Variants in AXDND1 observed in about 807,000 individuals in gnomAD.
AXDND1 encodes the protein axonemal dynein light chain domain-containing protein 1.
A neutral mutation model predicts 137.5 loss-of-function variants in AXDND1; 110 were observed. That is an observed-to-expected ratio of 0.80 (90% CI 0.69 to 0.94). AXDND1 has a LOEUF of 0.94. AXDND1 is among the 40% of genes least tolerant of loss of function. The pLI is 0.00. For synonymous variants in AXDND1, 414 were observed against 399.7 expected (o/e 1.04, Z -0.43); for missense variants, 1,191 against 1,169.8 (o/e 1.02, Z -0.26).
intron 20 of AXDND1, among the ~76,000 whole-genome samples, chr1:179,497,409 C>T (rs925644097): frequency 1.3e-5 from 2 of 152,030 alleles, no homozygotes; most frequent in Admixed American, 6.6e-5. Context: ...ACTCTCTTAA[C>T]ACTGCATCTC....
intron 20 of AXDND1, among the ~76,000 whole-genome samples, chr1:179,497,549 C>T (rs565336249): frequency 1.6e-4 from 24 of 152,240 alleles, no homozygotes; most frequent in African/African-American, 5.1e-4. Context: ...TAGCCAACAT[C>T]GTACTGAATT....
At chr1:179,427,288 A>T (rs1656721057) in intron 12 of AXDND1, among the ~76,000 whole-genome samples, 1 of 152,200 alleles carries the variant, frequency 6.6e-6, no homozygotes, top group South Asian at 2.1e-4. Flanking sequence ...TGGTTAGTTG[A>T]ATGTTAGGGT....
Position 179,378,643 on chromosome 1 carries a change from T to G in AXDND1, c.381T>G (p.Ile127Met). 1 of 1,575,638 alleles carries G rather than the reference T, an allele frequency of 6.3e-7. No homozygotes were observed. Among genetic ancestry groups the G allele is most frequent in the Non-Finnish European group, 8.6e-7 (1 of 1,159,916 alleles). ...PVSLTGAGRD[I>M]SFLYDVTYAK... Reference sequence around the variant, plus strand: ...TATTTTTCTTACTTTTTAGGGATATTTCTTTTCTGTACGATGTAACATATG... The same window carrying G: ...TATTTTTCTTACTTTTTAGGGATATGTCTTTTCTGTACGATGTAACATATG... Residue 127 changes from isoleucine to methionine, a missense_variant, in exon 5 of 26, where the codon ATT becomes ATG. Coordinates refer to ENST00000367618, the MANE Select transcript of AXDND1 (RefSeq NM_144696.6).
intron 21 of AXDND1, among the ~76,000 whole-genome samples, chr1:179,519,071 A>G (rs1669814133): frequency 6.6e-6 from 1 of 152,080 alleles, no homozygotes; most frequent in Admixed American, 6.5e-5. Flanking sequence ...TGACTTTATA[A>G]TAGTTGCCAT....
intron 20 of AXDND1, among the ~76,000 whole-genome samples, chr1:179,499,466 G>A (rs1236331510): frequency 6.6e-6 from 1 of 152,124 alleles, no homozygotes; most frequent in Non-Finnish European, 1.5e-5. Flanking sequence ...GTGGCTGCCT[G>A]GAGCTTGTAA....
chr1:179,461,704 G>A (rs1447664138), intron 16 of AXDND1, among the ~76,000 whole-genome samples: 1 of 152,176 alleles, frequency 6.6e-6, no homozygotes, highest in Non-Finnish European at 1.5e-5. Flanking sequence ...TCTGCCGTTT[G>A]TCTGTGTCCT....
At chr1:179,431,761 T>C (rs1657422808) in intron 14 of AXDND1, among the ~76,000 whole-genome samples, 1 of 152,120 alleles carries the variant, frequency 6.6e-6, no homozygotes, top group Non-Finnish European at 1.5e-5. Flanking sequence ...TGTTGATTCT[T>C]AGCTGGGAGG....
At chr1:179,391,025 C>T (rs1016357100) in intron 9 of AXDND1, among the ~76,000 whole-genome samples, 2 of 151,470 alleles carry the variant, frequency 1.3e-5, no homozygotes, top group Non-Finnish European at 2.9e-5. Flanking sequence ...AGGCTGGTCT[C>T]AAACTCCCGA....
At chr1:179,457,148 G>T in intron 16 of AXDND1, 2 of 865,332 alleles carry the variant, frequency 2.3e-6, no homozygotes, top group Admixed American at 1.7e-5. Context: ...CTCCGCAGTG[G>T]CATGTGAGAC....
chr1:179,376,358 T>C (rs1647269628), intron 4 of AXDND1, among the ~76,000 whole-genome samples: 1 of 152,176 alleles, frequency 6.6e-6, no homozygotes, highest in African/African-American at 2.4e-5. Context: ...ATATGGAAAG[T>C]TGGCCCTCTG....
intron 22 of AXDND1, among the ~76,000 whole-genome samples, chr1:179,526,586 A>G (rs1207429824): frequency 6.6e-6 from 1 of 152,192 alleles, no homozygotes. Context: ...CTTCTTTGAT[A>G]TATTTCTTCT....
intron 10 of AXDND1, among the ~76,000 whole-genome samples, chr1:179,394,498 G>A (rs1439727849): frequency 2.0e-5 from 3 of 151,970 alleles, no homozygotes; most frequent in African/African-American, 7.3e-5. Context: ...GTTGAGGCAG[G>A]AGAATCACTT....
intron 17 of AXDND1, among the ~76,000 whole-genome samples, chr1:179,471,099 A>G (rs535482355): frequency 6.6e-6 from 1 of 152,290 alleles, no homozygotes; most frequent in Admixed American, 6.5e-5. Flanking sequence ...TAAATCCCAC[A>G]TGGTAATTGT....
intron 12 of AXDND1, among the ~76,000 whole-genome samples, chr1:179,413,270 G>A (rs1307356092): frequency 6.6e-6 from 1 of 151,712 alleles, no homozygotes; most frequent in Non-Finnish European, 1.5e-5. Context: ...TTAGATTCAG[G>A]GGTACGTGTG....
At chr1:179,514,229 C>T (rs1181705861) in intron 21 of AXDND1, among the ~76,000 whole-genome samples, 2 of 152,172 alleles carry the variant, frequency 1.3e-5, no homozygotes, top group African/African-American at 4.8e-5. Flanking sequence ...CTTCTCTTAG[C>T]ACAGCCTTTG....
chr1:179,393,945 G>T lies in AXDND1; in HGVS notation c.906G>T (p.Met302Ile), dbSNP rs753160885. 5.0e-6 allele frequency: 8 copies of T among 1,612,366 alleles called. No individual in the cohort carries two copies. The highest frequency in any genetic ancestry group is 3.4e-6 in the Non-Finnish European group (4 of 1,179,426). ...VQMLDQIARQ[M>I]IDFYKDLVTQ... ...TGCTTGACCAGATTGCTCGGCAGATGATTGATTTCTACAAAGACTTGGTAA... is the reference window on the plus strand; with the variant it reads ...TGCTTGACCAGATTGCTCGGCAGATTATTGATTTCTACAAAGACTTGGTAA... Residue 302 changes from methionine (M) to isoleucine (I), a missense_variant, in exon 10 of 26, where the codon ATG (methionine) becomes ATT (isoleucine). Transcript: ENST00000367618.
chr1:179,518,385 C>CTTTTTTTTTT (rs71114530), intron 21 of AXDND1, among the ~76,000 whole-genome samples: 2 of 145,106 alleles, frequency 1.4e-5, no homozygotes, highest in Non-Finnish European at 1.5e-5. Flanking sequence ...TTTCCTTTTT[C>CTTTTTTTTTT]TTTTTTTTTT....
At chr1:179,550,863 G>A (rs1303824984) in intron 25 of AXDND1, 1 of 407,296 alleles carries the variant, frequency 2.5e-6, no homozygotes, top group Non-Finnish European at 4.6e-6. Context: ...AGGGACATCT[G>A]AACCAAGTTC....
chr1:179,427,953 TAA>T (rs10548259), intron 12 of AXDND1, among the ~76,000 whole-genome samples: 39,733 of 144,070 alleles, frequency 0.28, 5,464 homozygotes, highest in Non-Finnish European at 0.31. Context: ...GCAATCCATG[TAA>T]AAAAAAAAAA....
Sources: allele counts gnomAD v4.1 joint callset (sites outside exome capture counted in the v4.1 genomes callset), GRCh38; gene constraint gnomAD v4.1.1; transcripts MANE v1.5; gene names NCBI Gene and HGNC (gene_info 2026-07-23, HGNC 2026-07-21).